Variants in SVIL observed in about 807,000 individuals in gnomAD.
SVIL encodes the protein archvillin.
In SVIL, 101 loss-of-function variants were observed where a neutral mutation model predicts 240.4. The ratio of observed to expected loss-of-function variants is 0.42; its 90% confidence interval spans 0.36 to 0.50. The LOEUF (loss-of-function observed/expected upper bound fraction) is 0.50, where lower values mean the gene tolerates loss of function less well. Ranked by LOEUF, SVIL falls within the 20% of genes least tolerant of loss-of-function variation. The probability of loss-of-function intolerance (pLI) is 0.01; values close to 1 mark genes in which losing one functional copy is unlikely to be tolerated. For missense variants in SVIL, 2,512 were observed against 2,818.7 expected (o/e 0.89, Z 2.46); for synonymous variants, 999 against 1,100.0 (o/e 0.91, Z 1.82).
chr10:29,529,805 G>A lies in SVIL; in HGVS notation c.2146C>T (p.Arg716Ter). 4.3e-6 allele frequency: 7 copies of A among 1,612,656 alleles called. No individual in the cohort carries two copies. The highest frequency in any genetic ancestry group is 2.2e-5 in the East Asian group (1 of 44,794). The change falls in exon 12 of 38, where the codon CGA (arginine) becomes TGA (stop). Residue 716 changes from arginine to a stop codon, truncating the protein, a stop_gained. Transcript: ENST00000355867. LOFTEE classifies it high-confidence loss of function. ...KSFDEQNVPK[R>*]RSRNTAVEQR... ...TCCACAGCTGTGTTTCTTGAGCGTC[G>A]CTTTGGAACATTTTGTTCATCAAAA...
Position 29,554,796 on chromosome 10 carries a change from G to A in SVIL, c.147C>T (p.Ala49=). The A allele has an allele frequency of 6.2e-7, 1 of 1,603,454 alleles. No individual in the cohort carries two copies. The highest frequency in any genetic ancestry group is 8.5e-7 in the Non-Finnish European group (1 of 1,175,200). The change falls in exon 5 of 38, where the codon GCC becomes GCT. Residue 49 remains alanine, a synonymous_variant. Coordinates refer to ENST00000355867, the MANE Select transcript of SVIL (RefSeq NM_021738.3). ...TPRYMRASDP[A]SPHIGRSNEE... The stretch of plus-strand genomic sequence containing the variant: ...CTCCACGCTCACCGATGTGGGGGCT[G>A]GCAGGGTCGCTGGCTCTCATGTATC...
intron 1 of SVIL, among the ~76,000 whole-genome samples, chr10:29,714,740 G>A (rs1278996547): frequency 2.0e-5 from 3 of 151,578 alleles, no homozygotes; most frequent in African/African-American, 7.3e-5. Context: ...TGGGAGGATC[G>A]CTTGAGCTCA....
At position 29,569,249 on chromosome 10, in the gene SVIL, C is replaced by G; in HGVS notation, c.-143+6G>C. 4 of 985,580 alleles carry G rather than the reference C, an allele frequency of 4.1e-6. No individual in the cohort carries two copies. The highest frequency in any genetic ancestry group is 4.8e-6 in the Non-Finnish European group (4 of 829,700). 61.1% of individuals were successfully genotyped at this position (985,580 alleles called of 1,614,324 possible). ...TTTCACAGTTGTTGAGACAAGGCCA[C>G]TTTACCTTGAAACTTTCCTTTGACG... On this transcript the variant is annotated splice_donor_region_variant and intron_variant, in intron 2 of 37. Coordinates refer to ENST00000355867, the MANE Select transcript of SVIL (RefSeq NM_021738.3).
chr10:29,603,195 A>G (rs774054902), intron 1 of SVIL, among the ~76,000 whole-genome samples: 3 of 152,148 alleles, frequency 2.0e-5, no homozygotes, highest in Admixed American at 6.6e-5. Flanking sequence ...CCCAGCTGGG[A>G]GAAACGATGT....
intron 1 of SVIL, among the ~76,000 whole-genome samples, chr10:29,713,706 G>A (rs749361198): frequency 3.3e-5 from 5 of 152,178 alleles, no homozygotes; most frequent in Non-Finnish European, 5.9e-5. Flanking sequence ...TGGCAAGAGG[G>A]ATTTGGCCTG....
At chr10:29,620,793 A>C (rs368975005) in intron 1 of SVIL, among the ~76,000 whole-genome samples, 1 of 151,916 alleles carries the variant, frequency 6.6e-6, no homozygotes, top group South Asian at 2.1e-4. Flanking sequence ...TATTTTTTGT[A>C]TTTTTAGCAG....
intron 1 of SVIL, among the ~76,000 whole-genome samples, chr10:29,708,358 C>G (rs1304763332): frequency 1.3e-5 from 2 of 151,884 alleles, no homozygotes; most frequent in Non-Finnish European, 2.9e-5. Context: ...CGTTAGCTCA[C>G]GCCTGTAATC....
intron 1 of SVIL, among the ~76,000 whole-genome samples, chr10:29,726,029 C>T (rs957549439): frequency 6.6e-6 from 1 of 152,170 alleles, no homozygotes; most frequent in Non-Finnish European, 1.5e-5. Flanking sequence ...TTATGTGATC[C>T]TCCCACTTCA....
At chr10:29,655,793 A>G (rs1169158349) in intron 3 of SVIL, among the ~76,000 whole-genome samples, 1 of 151,738 alleles carries the variant, frequency 6.6e-6, no homozygotes, top group African/African-American at 2.4e-5. Context: ...GTGTCATGTT[A>G]GCTGTGGGTT....
chr10:29,693,291 T>C (rs1436833394), intron 1 of SVIL, among the ~76,000 whole-genome samples: 1 of 150,810 alleles, frequency 6.6e-6, no homozygotes, highest in Non-Finnish European at 1.5e-5. Flanking sequence ...AGGACCTCTG[T>C]TTTGTGTATT....
chr10:29,629,107 G>A (rs1258843133), intron 1 of SVIL, among the ~76,000 whole-genome samples: 2 of 152,080 alleles, frequency 1.3e-5, no homozygotes, highest in African/African-American at 4.8e-5. Context: ...AGAAGTGATC[G>A]CTTGAGGTCA....
chr10:29,728,693 T>C (rs1337108126), intron 1 of SVIL, among the ~76,000 whole-genome samples: 2 of 152,214 alleles, frequency 1.3e-5, no homozygotes, highest in East Asian at 3.9e-4. Context: ...CCTGGGAAAC[T>C]GCAGACACAA....
intron 3 of SVIL, among the ~76,000 whole-genome samples, chr10:29,639,986 G>A (rs1230528113): frequency 3.3e-5 from 5 of 152,114 alleles, no homozygotes; most frequent in Non-Finnish European, 7.4e-5. Context: ...AAGAGATGAG[G>A]CTTCTTTTCA....
chr10:29,519,233 G>C (rs1260067567), intron 16 of SVIL, among the ~76,000 whole-genome samples: 1 of 152,144 alleles, frequency 6.6e-6, no homozygotes, highest in African/African-American at 2.4e-5. Flanking sequence ...TATTCTCCTG[G>C]TTAGAGCACA....
intron 1 of SVIL, among the ~76,000 whole-genome samples, chr10:29,597,631 C>A (rs1413925737): frequency 6.6e-6 from 1 of 152,078 alleles, no homozygotes; most frequent in Non-Finnish European, 1.5e-5. Flanking sequence ...AACTCCTGAC[C>A]TCAAGTGATC....
intron 1 of SVIL, among the ~76,000 whole-genome samples, chr10:29,612,449 T>G (rs940518981): frequency 5.3e-5 from 8 of 152,124 alleles, no homozygotes; most frequent in Admixed American, 5.2e-4. Context: ...TTTGGTGGGT[T>G]GGGTGGAATT....
chr10:29,566,708 ACTCTT>A (rs1564651411), intron 2 of SVIL, among the ~76,000 whole-genome samples: 1 of 151,874 alleles, frequency 6.6e-6, no homozygotes, highest in African/African-American at 2.4e-5. Context: ...GAGGGTCCAG[ACTCTT>A]CTCTCCTCTC....
intron 1 of SVIL, among the ~76,000 whole-genome samples, chr10:29,599,885 C>T (rs1414443015): frequency 6.6e-6 from 1 of 151,786 alleles, no homozygotes; most frequent in Non-Finnish European, 1.5e-5. Flanking sequence ...TAATGACAGC[C>T]CTCTTCTGTT....
chr10:29,702,758 G>C (rs1962617476), intron 1 of SVIL, among the ~76,000 whole-genome samples: 2 of 152,168 alleles, frequency 1.3e-5, no homozygotes, highest in African/African-American at 4.8e-5. Context: ...CACCCAGATA[G>C]TTCCTGTCCC....
Sources: allele counts gnomAD v4.1 joint callset (sites outside exome capture counted in the v4.1 genomes callset), GRCh38; gene constraint gnomAD v4.1.1; transcripts MANE v1.5; gene names NCBI Gene and HGNC (gene_info 2026-07-23, HGNC 2026-07-21).